Variants in CCDC102B observed in about 807,000 individuals in gnomAD.
CCDC102B encodes the protein coiled-coil domain containing 102B, also known as coiled-coil domain-containing protein 102B.
Under a neutral mutation model 57.4 loss-of-function variants are expected in CCDC102B, and 75 were observed. That is an observed-to-expected ratio of 1.31 (90% confidence interval 1.08 to 1.58). The LOEUF is 1.58. CCDC102B is among the 40% of genes most tolerant of loss of function. CCDC102B has a pLI of 0.00. For synonymous variants in CCDC102B, 206 were observed against 201.9 expected (o/e 1.02, Z -0.17); for missense variants, 636 against 582.6 (o/e 1.09, Z -0.94).
intron 7 of CCDC102B, among the ~76,000 whole-genome samples, chr18:69,043,234 G>T (rs2052475827): frequency 6.6e-6 from 1 of 152,114 alleles, no homozygotes; most frequent in Admixed American, 6.6e-5. Context: ...CCCACCTCCA[G>T]CCCTAAGGAG....
At chr18:68,910,163 C>T (rs1424791602) in intron 6 of CCDC102B, among the ~76,000 whole-genome samples, 4 of 152,082 alleles carry the variant, frequency 2.6e-5, no homozygotes, top group East Asian at 3.9e-4. Flanking sequence ...CACAGTGGTA[C>T]GTGCCTGAAA....
At chr18:68,890,167 T>C (rs529113046) in intron 5 of CCDC102B, among the ~76,000 whole-genome samples, 1 of 152,142 alleles carries the variant, frequency 6.6e-6, no homozygotes, top group Non-Finnish European at 1.5e-5. Context: ...CTTTTTTTTT[T>C]AAACCTGGCT....
At chr18:68,972,845 C>G (rs746300736) in intron 6 of CCDC102B, among the ~76,000 whole-genome samples, 2 of 151,972 alleles carry the variant, frequency 1.3e-5, no homozygotes, top group Non-Finnish European at 2.9e-5. Context: ...GTTTTAGACG[C>G]CGGTCAAAAA....
intron 6 of CCDC102B, among the ~76,000 whole-genome samples, chr18:68,917,986 A>G (rs1047279135): frequency 1.4e-4 from 20 of 147,710 alleles, no homozygotes; most frequent in African/African-American, 4.8e-4. Context: ...ACACATACAT[A>G]TATATGTATA....
At chr18:69,050,267 C>T (rs923096236) in intron 7 of CCDC102B, among the ~76,000 whole-genome samples, 3 of 152,180 alleles carry the variant, frequency 2.0e-5, no homozygotes, top group Admixed American at 1.3e-4. Context: ...ATGAGATGCT[C>T]ACGCGTATCA....
At chr18:68,721,688 G>A (rs1231045213) in intron 2 of CCDC102B, 1 of 152,182 alleles carries the variant, frequency 6.6e-6, no homozygotes, top group Non-Finnish European at 1.5e-5. Context: ...AAGTAGCATA[G>A]TGTTTGATAT....
chr18:69,043,083 G>A (rs930736264), intron 7 of CCDC102B, among the ~76,000 whole-genome samples: 3 of 152,134 alleles, frequency 2.0e-5, no homozygotes, highest in Non-Finnish European at 4.4e-5. Flanking sequence ...CAAGACAATA[G>A]TGGGGAGAGG....
At position 68,798,098 on chromosome 18, in the gene CCDC102B, G is replaced by A. The variant is rs1338492533; in HGVS notation, c.-99G>A. Reference sequence around the variant, plus strand: ...GTTGGCTAGGACTCCAGAACTGTACGGATGAGAAAAGGATGCAGGAAATTC... The same window carrying A: ...GTTGGCTAGGACTCCAGAACTGTACAGATGAGAAAAGGATGCAGGAAATTC... On this transcript the variant is annotated 5_prime_UTR_variant, in exon 1 of 8. Coordinates refer to ENST00000360242, the MANE Select transcript of CCDC102B (RefSeq NM_024781.3). The A allele has an allele frequency of 1.3e-5, 2 of 152,082 alleles. No individual in the cohort carries two copies. Among genetic ancestry groups the A allele is most frequent in the Non-Finnish European group, 2.9e-5 (2 of 68,030 alleles). 9.4% of individuals were successfully genotyped at this position (152,082 alleles called of 1,614,324 possible). A position where few individuals can be genotyped will look rare whatever the true frequency, so the allele number is the denominator to read the frequency against.
chr18:68,755,595 T>G lies in CCDC102B; in HGVS notation c.-67+39001T>G, dbSNP rs547500882. Among the ~76,000 whole-genome samples, 534 of 152,224 alleles carry G rather than the reference T, an allele frequency of 3.5e-3. 1 individual carries two copies. Among genetic ancestry groups the G allele is most frequent in the African/African-American group, 0.012 (514 of 41,554 alleles). On this transcript the variant is annotated intron_variant, in intron 2 of 3. Transcript: ENST00000578970. ...CACAAATATTTCTATTTTGCTTAAC[T>G]TGGAATGAAATATGTAAAGCAAAAT...
intron 7 of CCDC102B, among the ~76,000 whole-genome samples, chr18:69,017,692 G>A (rs756900834): frequency 6.6e-6 from 1 of 152,066 alleles, no homozygotes; most frequent in Non-Finnish European, 1.5e-5. Context: ...CAAATTTATG[G>A]TATACAACAC....
At chr18:68,831,564 A>G (rs2037141835) in intron 1 of CCDC102B, among the ~76,000 whole-genome samples, 1 of 152,112 alleles carries the variant, frequency 6.6e-6, no homozygotes, top group South Asian at 2.1e-4. Flanking sequence ...GTTCAGATTT[A>G]TTTTATATTA....
chr18:68,765,316 G>GAAAGAAAA (rs1568238645), intron 2 of CCDC102B, among the ~76,000 whole-genome samples: 3 of 36,566 alleles, frequency 8.2e-5, no homozygotes, highest in East Asian at 1.3e-3. Context: ...AAGGAAGGAA[G>GAAAGAAAA]GAAGGAAGGA....
intron 7 of CCDC102B, among the ~76,000 whole-genome samples, chr18:69,038,782 C>T (rs73967777): frequency 0.057 from 8,710 of 151,932 alleles, 383 homozygotes; most frequent in East Asian, 0.16. Flanking sequence ...ACACTCTCCC[C>T]CAAATCATCT....
At chr18:68,936,749 A>G (rs2049248816) in intron 6 of CCDC102B, among the ~76,000 whole-genome samples, 1 of 67,162 alleles carries the variant, frequency 1.5e-5, no homozygotes. Flanking sequence ...CAACTTTCAT[A>G]TATATATATA....
chr18:68,753,221 A>G (rs541827671), intron 2 of CCDC102B: 16 of 152,300 alleles, frequency 1.1e-4, no homozygotes, highest in African/African-American at 3.4e-4. Flanking sequence ...TAAGTGATCA[A>G]TGAGTGCCTG....
At position 68,812,654 on chromosome 18, in the gene CCDC102B, C is replaced by T. The variant is rs77371921; in HGVS notation, c.-16+14473C>T. On this transcript the variant is annotated intron_variant, in intron 1 of 7. Transcript: ENST00000360242. ...TATATCAAGAGGAGGCAAAATACAA[C>T]GAGGCAGTGAAACAAATCATGACCC... Among the ~76,000 whole-genome samples the T allele has an allele frequency of 4.7e-3, 713 of 152,174 alleles. 2 individuals carry two copies. The highest frequency in any genetic ancestry group is 7.3e-3 in the Non-Finnish European group (494 of 68,008).
At chr18:68,949,666 C>T (rs2049640773) in intron 6 of CCDC102B, among the ~76,000 whole-genome samples, 1 of 152,118 alleles carries the variant, frequency 6.6e-6, no homozygotes, top group African/African-American at 2.4e-5. Flanking sequence ...TGAAATCAAT[C>T]TGACCATCAG....
intron 4 of CCDC102B, among the ~76,000 whole-genome samples, chr18:68,871,024 T>G (rs2039219702): frequency 6.6e-6 from 1 of 152,194 alleles, no homozygotes; most frequent in Non-Finnish European, 1.5e-5. Context: ...AGAATACATA[T>G]TTATATATAG....
At chr18:68,864,400 A>G (rs1333621142) in intron 4 of CCDC102B, among the ~76,000 whole-genome samples, 1 of 152,036 alleles carries the variant, frequency 6.6e-6, no homozygotes, top group Non-Finnish European at 1.5e-5. Context: ...TAAAATACTG[A>G]TATTGGGATC....
Sources: gnomAD v4.1 joint callset for allele counts (sites outside exome capture counted in the v4.1 genomes callset) on GRCh38, gnomAD v4.1.1 for gene constraint, MANE v1.5 for transcripts, NCBI Gene and HGNC (gene_info 2026-07-23, HGNC 2026-07-21) for gene names.